Variants in UBE2U observed in about 807,000 individuals in gnomAD.
The protein encoded by UBE2U is ubiquitin-conjugating enzyme E2 U.
A neutral mutation model predicts 41.2 loss-of-function variants in UBE2U; 39 were observed. The observed-to-expected ratio is 0.95, with a 90% CI of 0.73 to 1.24. The LOEUF (loss-of-function observed/expected upper bound fraction) is 1.24, where lower values mean the gene tolerates loss of function less well. Ranked by LOEUF, UBE2U falls within the 50% of genes most tolerant of loss-of-function variation. The pLI, the probability that UBE2U is intolerant of heterozygous loss-of-function variation, is 0.00. For missense variants in UBE2U, 336 were observed against 363.1 expected (o/e 0.93, Z 0.61); for synonymous variants, 107 against 117.8 (o/e 0.91, Z 0.60).
chr1:64,226,121 A>G (rs1233989866), intron 6 of UBE2U, among the ~76,000 whole-genome samples: 2 of 152,246 alleles, frequency 1.3e-5, no homozygotes, highest in Non-Finnish European at 2.9e-5. Context: ...CAAAATGTCC[A>G]TCAACAGTTG....
At chr1:64,239,019 G>C (rs1644723910) in intron 7 of UBE2U, among the ~76,000 whole-genome samples, 1 of 147,238 alleles carries the variant, frequency 6.8e-6, no homozygotes, top group African/African-American at 2.5e-5. Context: ...TCCAGCCTGG[G>C]TGACAAAGTG....
intron 3 of UBE2U, among the ~76,000 whole-genome samples, chr1:64,208,472 G>A (rs1187250582): frequency 6.6e-6 from 1 of 151,734 alleles, no homozygotes; most frequent in Admixed American, 6.6e-5. Flanking sequence ...TGGCATGGTA[G>A]CATGTGCCTG....
At chr1:64,211,981 A>C (rs1651692576) in intron 4 of UBE2U, among the ~76,000 whole-genome samples, 1 of 152,228 alleles carries the variant, frequency 6.6e-6, no homozygotes, top group African/African-American at 2.4e-5. Context: ...TATAAATTGC[A>C]TTTCTTCTAT....
intron 8 of UBE2U, among the ~76,000 whole-genome samples, chr1:64,256,218 C>A (rs1645088330): frequency 6.6e-6 from 1 of 152,116 alleles, no homozygotes; most frequent in South Asian, 2.1e-4. Context: ...AGATTCAATG[C>A]TATTCCCATT....
intron 8 of UBE2U, among the ~76,000 whole-genome samples, chr1:64,259,117 C>G (rs1285642491): frequency 6.6e-6 from 1 of 152,150 alleles, no homozygotes; most frequent in Non-Finnish European, 1.5e-5. Context: ...GCATAAATGT[C>G]TTCTTTTGAG....
At chr1:64,264,349 C>A (rs1455689099) in intron 9 of UBE2U, among the ~76,000 whole-genome samples, 1 of 152,140 alleles carries the variant, frequency 6.6e-6, no homozygotes, top group Non-Finnish European at 1.5e-5. Context: ...GTAACAAAAT[C>A]CCCACCTTTA....
intron 8 of UBE2U, among the ~76,000 whole-genome samples, chr1:64,244,892 G>T (rs1644894766): frequency 6.6e-6 from 1 of 152,104 alleles, no homozygotes; most frequent in Non-Finnish European, 1.5e-5. Context: ...TCCTCACCCT[G>T]TTTTCTCAAT....
intron 7 of UBE2U, among the ~76,000 whole-genome samples, chr1:64,239,512 T>TC (rs1273843862): frequency 9.3e-6 from 1 of 107,688 alleles, no homozygotes; most frequent in African/African-American, 3.5e-5. Flanking sequence ...ATGCTATCCC[T>TC]CCCCCCTCCC....
chr1:64,206,055 T>A (rs1328723477), intron 2 of UBE2U, among the ~76,000 whole-genome samples: 1 of 152,164 alleles, frequency 6.6e-6, no homozygotes, highest in Non-Finnish European at 1.5e-5. Flanking sequence ...GGAATAACTA[T>A]CAAAATTCCT....
intron 6 of UBE2U, among the ~76,000 whole-genome samples, chr1:64,221,348 G>T (rs991706810): frequency 6.6e-6 from 1 of 152,072 alleles, no homozygotes; most frequent in Non-Finnish European, 1.5e-5. Flanking sequence ...CCTGACCTCA[G>T]GTGATCCACC....
At chr1:64,253,682 G>A (rs1645047097) in intron 8 of UBE2U, among the ~76,000 whole-genome samples, 1 of 152,134 alleles carries the variant, frequency 6.6e-6, no homozygotes, top group Non-Finnish European at 1.5e-5. Flanking sequence ...AAGTGAAGGA[G>A]AAACAAGATC....
intron 5 of UBE2U, 144 bp downstream of exon 5, chr1:64,215,076 A>G (rs1651908314): frequency 5.3e-6 from 3 of 565,634 alleles, no homozygotes; most frequent in South Asian, 2.2e-5. Context: ...CTACTAAAAT[A>G]CAGAATTAGC....
chr1:64,206,943 T>C, intron 3 of UBE2U, 87 bp downstream of exon 3: 1 of 816,678 alleles, frequency 1.2e-6, no homozygotes, highest in Non-Finnish European at 1.9e-6. Context: ...TTTTAAGAAC[T>C]TTATTATGAT....
At chr1:64,265,327 T>C (rs1570170001) in intron 9 of UBE2U, among the ~76,000 whole-genome samples, 1 of 152,198 alleles carries the variant, frequency 6.6e-6, no homozygotes, top group East Asian at 1.9e-4. Context: ...GGCTTTATAT[T>C]TCTTGTAATC....
In UBE2U at chr1:64,239,092, GGAAGAAGAAGAA is replaced by G. The variant is rs1221201927; in HGVS notation, c.596-2505_596-2494del. Among the ~76,000 whole-genome samples, 26 of 42,798 alleles carry G rather than the reference GGAAGAAGAAGAA, an allele frequency of 6.1e-4. 1 individual carries two copies. Among genetic ancestry groups the G allele is most frequent in the Non-Finnish European group, 1.1e-3 (25 of 23,014 alleles). 28.1% of individuals were successfully genotyped at this position (42,798 alleles called of 152,430 possible). ...AGGAAGAGGAAGAGGAAGAGGAAGAGGAAGAAGAAGAAGAAGAAGAAGAAGAAGAAGAAGAAG... is the reference window on the plus strand; with the variant it reads ...AGGAAGAGGAAGAGGAAGAGGAAGAGGAAGAAGAAGAAGAAGAAGAAGAAG... On this transcript the variant is annotated intron_variant, in intron 7 of 9. Transcript: ENST00000371077.
chr1:64,231,826 A>G (rs1161767107), intron 6 of UBE2U, among the ~76,000 whole-genome samples: 14 of 152,242 alleles, frequency 9.2e-5, no homozygotes, highest in Admixed American at 9.2e-4. Context: ...GCAGCTGTTT[A>G]AGCCAGTTAA....
chr1:64,237,102 CTGTT>C (rs769657669), intron 7 of UBE2U, among the ~76,000 whole-genome samples: 57 of 152,152 alleles, frequency 3.7e-4, no homozygotes, highest in Non-Finnish European at 6.5e-4. Context: ...AGTCACTTAA[CTGTT>C]TGTACTTTGG....
rs771741729 is a variant in UBE2U, at chr1:64,241,657, A to C, written c.601A>C (p.Lys201Gln). Residue 201 changes from lysine (K) to glutamine (Q), a missense_variant, in exon 8 of 10, where the codon AAA (lysine) becomes CAA (glutamine). Physicochemically the swap from Lys to Gln is moderately conservative, Grantham distance 53. Coordinates refer to ENST00000371077, the MANE Select transcript of UBE2U (RefSeq NM_001366232.2). ...TTTTAATATTCTAATTTCAGTGCTCAAAGTTCCAAATTTCATTGGACAGTA... is the reference window on the plus strand; with the variant it reads ...TTTTAATATTCTAATTTCAGTGCTCCAAGTTCCAAATTTCATTGGACAGTA... ...ATEYYRTPLL[K>Q]VPNFIGQYYK... The C allele has an allele frequency of 6.2e-6, 10 of 1,603,998 alleles. No homozygotes were observed. Among genetic ancestry groups the C allele is most frequent in the Admixed American group, 1.7e-5 (1 of 57,892 alleles).
Position 64,232,592 on chromosome 1 carries a change from T to G in UBE2U, c.538T>G (p.Tyr180Asp), listed in dbSNP as rs1391686476. Reference sequence around the variant, plus strand: ...TAAAACAACCTCATTTAGTGATTACTACCAGACATGGTCCAGAATAGCTAC... The same window carrying G: ...TAAAACAACCTCATTTAGTGATTACGACCAGACATGGTCCAGAATAGCTAC... ...PIKTTSFSDY[Y>D]QTWSRIATSK... is the part of the protein sequence containing the mutation. Residue 180 changes from tyrosine (Y) to aspartate (D), a missense_variant, in exon 7 of 10, where the codon TAC becomes GAC. By Grantham distance (160) the Tyr-to-Asp change is radical (BLOSUM62 -3). Coordinates refer to ENST00000371077, the MANE Select transcript of UBE2U (RefSeq NM_001366232.2). The G allele has an allele frequency of 1.2e-6, 2 of 1,613,416 alleles. No individual in the cohort carries two copies. Among genetic ancestry groups the G allele is most frequent in the East Asian group, 4.5e-5 (2 of 44,756 alleles).
Sources: allele counts gnomAD v4.1 joint callset (sites outside exome capture counted in the v4.1 genomes callset), GRCh38; gene constraint gnomAD v4.1.1; transcripts MANE v1.5; gene names NCBI Gene and HGNC (gene_info 2026-07-23, HGNC 2026-07-21).